CTNNA3: variants seen among roughly 807,000 people sequenced by gnomAD.
CTNNA3 encodes the protein catenin alpha-3.
Under a neutral mutation model 95.7 loss-of-function variants are expected in CTNNA3, and 76 were observed. That is an observed-to-expected ratio of 0.79 (90% CI 0.66 to 0.96). The LOEUF is 0.96. Among genes scored for constraint, CTNNA3 ranks in the 40% least tolerant of loss-of-function variants. The pLI is 0.00. For missense variants in CTNNA3, 1,191 were observed against 1,089.8 expected, an observed-to-expected ratio of 1.09 and a Z score of -1.31; for synonymous variants, 431 against 374.4, an observed-to-expected ratio of 1.15 and a Z score of -1.74.
chr10:66,446,975 A>T (rs1425112293), intron 11 of CTNNA3, among the ~76,000 whole-genome samples: 3 of 151,816 alleles, frequency 2.0e-5, no homozygotes, highest in Non-Finnish European at 4.4e-5. Context: ...ACTTCAGCAA[A>T]GTCTCAGGAT....
At chr10:65,932,393 C>T (rs908688899) in intron 17 of CTNNA3, among the ~76,000 whole-genome samples, 1 of 152,076 alleles carries the variant, frequency 6.6e-6, no homozygotes, top group Non-Finnish European at 1.5e-5. Context: ...ATAATGGCTC[C>T]CATTTTGTAA....
chr10:67,126,037 A>G (rs557298577), intron 7 of CTNNA3, among the ~76,000 whole-genome samples: 2 of 152,172 alleles, frequency 1.3e-5, no homozygotes, highest in Non-Finnish European at 2.9e-5. Context: ...CTGTGGATCA[A>G]TCATATCATG....
chr10:66,274,200 G>C (rs1014933545), intron 13 of CTNNA3, among the ~76,000 whole-genome samples: 8 of 151,514 alleles, frequency 5.3e-5, no homozygotes, highest in Non-Finnish European at 7.4e-5. Flanking sequence ...CAGAGTCATA[G>C]ATATAAACCA....
intron 12 of CTNNA3, among the ~76,000 whole-genome samples, chr10:66,374,855 T>A (rs1056716657): frequency 6.6e-6 from 1 of 151,864 alleles, no homozygotes; most frequent in Non-Finnish European, 1.5e-5. Context: ...GACCTCATGA[T>A]CCTCCCGCCT....
rs554678863 is a variant in CTNNA3 at position 67,047,654 on chromosome 10, G to C, written c.1047+132663C>G. Among the ~76,000 whole-genome samples, 6 of 151,956 alleles carry C rather than the reference G, an allele frequency of 3.9e-5. No individual in the cohort carries two copies. The South Asian group carries it at 1.0e-3, about 26-fold the overall frequency. The stretch of plus-strand genomic sequence containing the variant: ...CAGCAAGTTGCTACTATATATTTAT[G>C]AAATAAATTCACATATATTTATGAA... On this transcript the variant is annotated intron_variant, in intron 7 of 17. Coordinates refer to ENST00000433211, the MANE Select transcript of CTNNA3 (RefSeq NM_013266.4).
At chr10:66,424,461 A>G (rs1286333607) in intron 11 of CTNNA3, among the ~76,000 whole-genome samples, 2 of 152,096 alleles carry the variant, frequency 1.3e-5, no homozygotes, top group South Asian at 2.1e-4. Flanking sequence ...TTGCAGATTT[A>G]GACGCATTCA....
chr10:66,715,707 A>G (rs1000908632), intron 9 of CTNNA3, among the ~76,000 whole-genome samples: 31 of 152,114 alleles, frequency 2.0e-4, no homozygotes, highest in African/African-American at 7.5e-4. Context: ...TAGGTAAGTA[A>G]TAAAATGAAA....
intron 10 of CTNNA3, among the ~76,000 whole-genome samples, chr10:66,568,137 G>A (rs1047495477): frequency 6.6e-6 from 1 of 152,134 alleles, no homozygotes; most frequent in Non-Finnish European, 1.5e-5. Context: ...ACAAAAGAGA[G>A]CATAAAGAAG....
Position 66,332,735 on chromosome 10 carries a change from G to T in CTNNA3, c.1732+46417C>A, listed in dbSNP as rs1426955342. ...AGGCTTTGGTATCAGGATGATGCTG[G>T]CCTCATAAAATGAGTTAGGGAGGAT... On this transcript the variant is annotated intron_variant, in intron 12 of 17. Transcript: ENST00000433211. Among the ~76,000 whole-genome samples the T allele has an allele frequency of 2.0e-5, 3 of 152,032 alleles. No individual in the cohort carries two copies. The South Asian group carries it at 6.2e-4, about 32-fold the overall frequency.
intron 13 of CTNNA3, among the ~76,000 whole-genome samples, chr10:66,265,818 C>G (rs1370351890): frequency 2.0e-5 from 3 of 152,006 alleles, no homozygotes; most frequent in African/African-American, 4.8e-5. Context: ...TCCTTCCTAT[C>G]ACTCATCATA....
At chr10:67,474,438 G>A (rs1453332532) in intron 5 of CTNNA3, among the ~76,000 whole-genome samples, 1 of 152,184 alleles carries the variant, frequency 6.6e-6, no homozygotes, top group Non-Finnish European at 1.5e-5. Flanking sequence ...AGGTGACTGT[G>A]TGCAAGCTAA....
At chr10:66,183,365 T>A (rs992929816) in intron 13 of CTNNA3, among the ~76,000 whole-genome samples, 1 of 152,242 alleles carries the variant, frequency 6.6e-6, no homozygotes, top group Non-Finnish European at 1.5e-5. Flanking sequence ...CTTACCTCAA[T>A]CAATAAAATC....
At chr10:66,077,421 A>G (rs1469959118) in intron 14 of CTNNA3, among the ~76,000 whole-genome samples, 1 of 151,846 alleles carries the variant, frequency 6.6e-6, no homozygotes, top group Non-Finnish European at 1.5e-5. Flanking sequence ...CATCTATAAC[A>G]TTTGTGACCA....
At chr10:67,638,056 G>C (rs914440095) in intron 2 of CTNNA3, among the ~76,000 whole-genome samples, 2 of 152,150 alleles carry the variant, frequency 1.3e-5, no homozygotes, top group African/African-American at 4.8e-5. Context: ...CCAATTAAAA[G>C]ACACAGACTG....
At chr10:66,028,052 T>C (rs1025909980) in intron 15 of CTNNA3, among the ~76,000 whole-genome samples, 1 of 152,166 alleles carries the variant, frequency 6.6e-6, no homozygotes, top group Non-Finnish European at 1.5e-5. Flanking sequence ...GCCTTTCTTT[T>C]ACTTATACTT....
intron 10 of CTNNA3, among the ~76,000 whole-genome samples, chr10:66,594,844 T>C (rs1182124326): frequency 6.6e-6 from 1 of 152,180 alleles, no homozygotes; most frequent in Non-Finnish European, 1.5e-5. Context: ...GAATCTTTTG[T>C]ACTTCACTTT....
chr10:66,703,923 T>C (rs1399666295), intron 9 of CTNNA3, among the ~76,000 whole-genome samples: 1 of 152,194 alleles, frequency 6.6e-6, no homozygotes, highest in Non-Finnish European at 1.5e-5. Context: ...GACCAGAAGA[T>C]GCTTTATCAC....
At chr10:66,978,552 A>AAATAAAAAAAAAAAAATATATATATATAT in intron 7 of CTNNA3, among the ~76,000 whole-genome samples, 1 of 37,864 alleles carries the variant, frequency 2.6e-5, no homozygotes, top group Non-Finnish European at 4.8e-5. Context: ...AAAAAAAAAA[A>AAATAAAAAAAAAAAAATATATATATATAT]ATATATATAT....
At position 67,153,165 on chromosome 10, in the gene CTNNA3, G is replaced by A. The variant is rs1185851147; in HGVS notation, c.1047+27152C>T. 4.6e-5 allele frequency among the ~76,000 whole-genome samples: 7 copies of A among 151,970 alleles called. No individual in the cohort carries two copies. In the South Asian group the frequency reaches 6.2e-4, roughly 14 times the overall value. ...TAATTTTTGCATTTTTAGTAGAGAC[G>A]GGGTTTCACCATATTGGCCAGGTTG... On this transcript the variant is annotated intron_variant, in intron 7 of 17. Coordinates refer to ENST00000433211, the MANE Select transcript of CTNNA3 (RefSeq NM_013266.4).
Sources: allele counts gnomAD v4.1 joint callset (sites outside exome capture counted in the v4.1 genomes callset), GRCh38; gene constraint gnomAD v4.1.1; transcripts MANE v1.5; gene names NCBI Gene and HGNC (gene_info 2026-07-23, HGNC 2026-07-21).